The following PIK3C2G variants were observed in gnomAD, a reference collection of about 807,000 sequenced individuals.
PIK3C2G encodes phosphatidylinositol-4-phosphate 3-kinase catalytic subunit type 2 gamma.
In PIK3C2G, 168 loss-of-function variants were observed where a neutral mutation model predicts 181.1. That is an observed-to-expected ratio of 0.93 (90% confidence interval 0.82 to 1.05). The LOEUF (loss-of-function observed/expected upper bound fraction) is 1.05. PIK3C2G is among the 50% of genes least tolerant of loss of function. The probability of loss-of-function intolerance (pLI) is 0.00; values close to 1 mark genes in which losing one functional copy is unlikely to be tolerated. For synonymous variants in PIK3C2G, 573 were observed against 592.2 expected (o/e 0.97, Z 0.47); for missense variants, 1,869 against 1,732.8 (o/e 1.08, Z -1.40).
rs369677115 is a variant in PIK3C2G, at chr12:18,361,084, A to ATTG, written c.1626-1662_1626-1660dup. Among the ~76,000 whole-genome samples the ATTG allele has an allele frequency of 8.0e-3, 1,208 of 150,260 alleles. 11 individuals are homozygous for ATTG. The highest frequency in any genetic ancestry group is 0.028 in the African/African-American group (1,131 of 40,878). The stretch of plus-strand genomic sequence containing the variant: ...TTCAGTTCATTGTGGGGTTTTTGTT[A>ATTG]TTGTTGTTGTTGTTGTTGTTTTCAT... On this transcript the variant is annotated intron_variant, in intron 11 of 32. Transcript: ENST00000538779.
chr12:18,666,811 C>T, the PIK3C2G span, among the ~76,000 whole-genome samples: 1 of 152,182 alleles, frequency 6.6e-6, no homozygotes, highest in Non-Finnish European at 1.5e-5. Flanking sequence ...TATTAGGTTA[C>T]AGATGATAGT....
At chr12:18,653,700 G>A in the PIK3C2G span, among the ~76,000 whole-genome samples, 13 of 152,144 alleles carry the variant, frequency 8.5e-5, no homozygotes, top group Non-Finnish European at 1.8e-4. Context: ...ATGGTGTTAA[G>A]TAGACTCTGA....
At chr12:18,526,143 C>CAA (rs555543028) in intron 24 of PIK3C2G, among the ~76,000 whole-genome samples, 3 of 151,996 alleles carry the variant, frequency 2.0e-5, no homozygotes, top group African/African-American at 7.2e-5. Context: ...TATCTTTTAA[C>CAA]AAAAAAACTC....
At chr12:18,590,923 G>A (rs1223203559) in intron 29 of PIK3C2G, among the ~76,000 whole-genome samples, 2 of 151,888 alleles carry the variant, frequency 1.3e-5, no homozygotes, top group African/African-American at 4.8e-5. Flanking sequence ...GGAATAATTA[G>A]CTAGTAGTGA....
At chr12:18,621,248 C>T in intron 31 of PIK3C2G, among the ~76,000 whole-genome samples, 1 of 151,672 alleles carries the variant, frequency 6.6e-6, no homozygotes, top group Non-Finnish European at 1.5e-5. Flanking sequence ...GTTCAATTGC[C>T]TGTTAGCTCA....
chr12:18,565,124 G>T (rs1164929221), intron 28 of PIK3C2G, among the ~76,000 whole-genome samples: 1 of 152,010 alleles, frequency 6.6e-6, no homozygotes, highest in Non-Finnish European at 1.5e-5. Context: ...CTCACAAAGG[G>T]GCCCAGGCTT....
At chr12:18,575,603 G>A (rs944853751) in intron 29 of PIK3C2G, among the ~76,000 whole-genome samples, 1 of 152,110 alleles carries the variant, frequency 6.6e-6, no homozygotes, top group African/African-American at 2.4e-5. Flanking sequence ...GCAACTGCCT[G>A]AGCACCTAAG....
At chr12:18,684,000 G>T in the PIK3C2G span, 1 of 1,092,656 alleles carries the variant, frequency 9.2e-7, no homozygotes, top group Non-Finnish European at 1.3e-6. Flanking sequence ...GAAAAAATAT[G>T]TGTCAATACA....
chr12:18,337,649 A>T (rs1030935289), intron 8 of PIK3C2G, among the ~76,000 whole-genome samples: 8 of 152,080 alleles, frequency 5.3e-5, no homozygotes, highest in African/African-American at 1.9e-4. Flanking sequence ...GTGCTGCACA[A>T]TTTTAAACAA....
At chr12:18,495,157 T>C (rs1297773123) in intron 20 of PIK3C2G, among the ~76,000 whole-genome samples, 1 of 152,112 alleles carries the variant, frequency 6.6e-6, no homozygotes, top group East Asian at 1.9e-4. Context: ...TCAACATGCA[T>C]TGATGTCATA....
intron 18 of PIK3C2G, among the ~76,000 whole-genome samples, chr12:18,466,320 T>G (rs1447331468): frequency 2.0e-5 from 3 of 151,758 alleles, no homozygotes; most frequent in Non-Finnish European, 4.4e-5. Context: ...ATCTAATTCT[T>G]TCTTATTTTG....
In PIK3C2G at chr12:18,356,592, G is replaced by A. The variant is rs1450517071; in HGVS notation, c.1626-6172G>A. On this transcript the variant is annotated intron_variant, in intron 11 of 32. Transcript: ENST00000538779. The stretch of plus-strand genomic sequence containing the variant: ...TGAGCTCTTGTTTGATGTCCAGGAA[G>A]AATTAGGTCACATGAACAAATTGAA... Among the ~76,000 whole-genome samples, 3 of 152,258 alleles carry A rather than the reference G, an allele frequency of 2.0e-5. No individual in the cohort carries two copies. The South Asian group carries it at 6.2e-4, about 32-fold the overall frequency.
At chr12:18,326,194 A>G (rs1951339423) in intron 8 of PIK3C2G, among the ~76,000 whole-genome samples, 1 of 152,186 alleles carries the variant, frequency 6.6e-6, no homozygotes, top group South Asian at 2.1e-4. Flanking sequence ...AGAGGGAATG[A>G]TGGGTTCATT....
At chr12:18,709,457 T>C in the PIK3C2G span, among the ~76,000 whole-genome samples, 1 of 152,206 alleles carries the variant, frequency 6.6e-6, no homozygotes, top group Non-Finnish European at 1.5e-5. Flanking sequence ...GTGTGATGCC[T>C]CCAACTTTGT....
the PIK3C2G span, among the ~76,000 whole-genome samples, chr12:18,685,845 C>A: frequency 5.8e-5 from 2 of 34,604 alleles, no homozygotes; most frequent in African/African-American, 1.1e-4. Flanking sequence ...CACACACACG[C>A]GCACACACAC....
At chr12:18,510,718 G>T (rs1256406392) in intron 24 of PIK3C2G, among the ~76,000 whole-genome samples, 1 of 151,950 alleles carries the variant, frequency 6.6e-6, no homozygotes, top group African/African-American at 2.4e-5. Flanking sequence ...TTTTATTTTT[G>T]AAAAAGTTAT....
chr12:18,316,137 G>A (rs866956977), intron 6 of PIK3C2G, among the ~76,000 whole-genome samples: 3 of 152,110 alleles, frequency 2.0e-5, no homozygotes, highest in Middle Eastern at 3.4e-3. Flanking sequence ...AAAAATAAAA[G>A]AACTGAAAAG....
chr12:18,705,152 GA>G, the PIK3C2G span: 22 of 1,612,634 alleles, frequency 1.4e-5, no homozygotes, highest in Non-Finnish European at 1.9e-5. Flanking sequence ...GAGTTTCTCA[GA>G]AAAAAATGTT....
At chr12:18,280,107 A>C (rs2137109797) in intron 1 of PIK3C2G, among the ~76,000 whole-genome samples, 1 of 152,184 alleles carries the variant, frequency 6.6e-6, no homozygotes, top group South Asian at 2.1e-4. Context: ...GAGAATTAAT[A>C]AATCCATCAA....
Sources: gnomAD v4.1 joint callset for allele counts (sites outside exome capture counted in the v4.1 genomes callset) on GRCh38, gnomAD v4.1.1 for gene constraint, MANE v1.5 for transcripts, NCBI Gene and HGNC (gene_info 2026-07-23, HGNC 2026-07-21) for gene names.